The following AOPEP variants were observed in gnomAD, a reference collection of about 807,000 sequenced individuals.
AOPEP encodes aminopeptidase O (putative).
Under a neutral mutation model 98.1 loss-of-function variants are expected in AOPEP, and 77 were observed. The ratio of observed to expected loss-of-function variants is 0.78; its 90% CI spans 0.65 to 0.95. AOPEP has a LOEUF of 0.95. Ranked by LOEUF, AOPEP falls within the 40% of genes least tolerant of loss-of-function variation. AOPEP has a pLI of 0.00. For synonymous variants in AOPEP, 346 were observed against 365.3 expected (o/e 0.95, Z 0.60); for missense variants, 1,024 against 1,024.7 (o/e 1.00, Z 0.01).
chr9:95,037,366 C>A (rs1447054403), intron 13 of AOPEP, among the ~76,000 whole-genome samples: 1 of 152,126 alleles, frequency 6.6e-6, no homozygotes, highest in East Asian at 1.9e-4. Flanking sequence ...GTACAGTTAA[C>A]CATGAAAAAT....
intron 14 of AOPEP, among the ~76,000 whole-genome samples, chr9:95,070,333 C>CT (rs1014935793): frequency 1.3e-5 from 2 of 152,166 alleles, no homozygotes; most frequent in African/African-American, 4.8e-5. Flanking sequence ...GAGCCCTGGT[C>CT]TTTCTGTTTA....
In AOPEP at chr9:95,051,987, G is replaced by A. The variant is rs78799755; in HGVS notation, c.2116-8707G>A. ...CAAAGTGCTGGGATTACAGGCGTGA[G>A]CCACCGTGCCTGGCCTATGAAACTT... On this transcript the variant is annotated intron_variant, in intron 13 of 16. Coordinates refer to ENST00000375315, the MANE Select transcript of AOPEP (RefSeq NM_001193329.3). 3.1e-3 allele frequency among the ~76,000 whole-genome samples: 473 copies of A among 152,322 alleles called. 1 individual carries two copies. The highest frequency in any genetic ancestry group is 0.011 in the African/African-American group (459 of 41,572).
intron 13 of AOPEP, among the ~76,000 whole-genome samples, chr9:95,033,228 G>A (rs529209507): frequency 1.0e-3 from 155 of 152,154 alleles, no homozygotes; most frequent in African/African-American, 3.7e-3. Flanking sequence ...TTTGTTCTAC[G>A]CCTTTTTCTC....
At chr9:94,838,624 A>C (rs1009526041) in intron 5 of AOPEP, among the ~76,000 whole-genome samples, 2 of 152,188 alleles carry the variant, frequency 1.3e-5, no homozygotes, top group Non-Finnish European at 2.9e-5. Flanking sequence ...CTACCAAAAA[A>C]TTATGCTGGG....
intron 11 of AOPEP, among the ~76,000 whole-genome samples, chr9:94,994,838 C>A (rs1305492672): frequency 1.3e-5 from 2 of 152,132 alleles, no homozygotes; most frequent in Non-Finnish European, 2.9e-5. Flanking sequence ...GTAATCCCAG[C>A]TACTCGGGAG....
chr9:95,126,509 A>C, the AOPEP span: 1 of 1,611,230 alleles, frequency 6.2e-7, no homozygotes, highest in Non-Finnish European at 8.5e-7. Context: ...AATTACTAGA[A>C]GAAACAGTGT....
At chr9:94,912,580 A>G (rs961925110) in intron 5 of AOPEP, among the ~76,000 whole-genome samples, 1 of 152,218 alleles carries the variant, frequency 6.6e-6, no homozygotes, top group Non-Finnish European at 1.5e-5. Context: ...TGTGAGACCC[A>G]ATTCCTTGTC....
At chr9:94,910,617 G>T (rs1293476918) in intron 5 of AOPEP, among the ~76,000 whole-genome samples, 1 of 152,208 alleles carries the variant, frequency 6.6e-6, no homozygotes, top group Non-Finnish European at 1.5e-5. Flanking sequence ...CACTGGTCGA[G>T]GGTCCAGCTC....
At chr9:94,735,368 T>C (rs940467555) in intron 1 of AOPEP, among the ~76,000 whole-genome samples, 3 of 152,156 alleles carry the variant, frequency 2.0e-5, no homozygotes, top group Non-Finnish European at 4.4e-5. Flanking sequence ...CTACAGGCAC[T>C]CACCACCACG....
At chr9:95,119,742 C>T in the AOPEP span, among the ~76,000 whole-genome samples, 1 of 148,668 alleles carries the variant, frequency 6.7e-6, no homozygotes, top group Non-Finnish European at 1.5e-5. Flanking sequence ...GATATGGTTT[C>T]ACTCTGTTGC....
chr9:95,112,958 G>C, the AOPEP span, among the ~76,000 whole-genome samples: 2 of 152,328 alleles, frequency 1.3e-5, no homozygotes, highest in Middle Eastern at 3.4e-3. Flanking sequence ...GGTGGGTAGA[G>C]AGAAGAGAAA....
chr9:94,833,887 A>G (rs1209608773), intron 5 of AOPEP, among the ~76,000 whole-genome samples: 1 of 152,220 alleles, frequency 6.6e-6, no homozygotes, highest in Non-Finnish European at 1.5e-5. Context: ...AAGTAATGGT[A>G]GAATGAGAGT....
intron 7 of AOPEP, among the ~76,000 whole-genome samples, chr9:94,931,134 A>G (rs1329849154): frequency 6.6e-6 from 1 of 151,976 alleles, no homozygotes; most frequent in African/African-American, 2.4e-5. Flanking sequence ...GTTAGACTGC[A>G]CCCTGGGAAG....
At chr9:94,968,488 C>T (rs1038790030) in intron 10 of AOPEP, among the ~76,000 whole-genome samples, 81 of 152,184 alleles carry the variant, frequency 5.3e-4, no homozygotes, top group African/African-American at 1.8e-3. Context: ...GTGATCCGCC[C>T]GCCTCAGCCT....
At chr9:95,068,326 C>CGTG (rs2068118897) in intron 14 of AOPEP, among the ~76,000 whole-genome samples, 1 of 151,890 alleles carries the variant, frequency 6.6e-6, no homozygotes, top group African/African-American at 2.4e-5. Flanking sequence ...TCCACCAGCA[C>CGTG]TTGTTGTCCG....
chr9:94,956,781 C>T (rs1564444762), intron 9 of AOPEP, among the ~76,000 whole-genome samples: 3 of 152,200 alleles, frequency 2.0e-5, no homozygotes, highest in African/African-American at 7.2e-5. Context: ...ATAGATTGGA[C>T]TAATGGACCT....
rs368985531 is a variant in AOPEP at position 94,775,523 on chromosome 9, T to C, written c.964+2355T>C. 1.1e-4 allele frequency among the ~76,000 whole-genome samples: 16 copies of C among 152,122 alleles called. No individual in the cohort carries two copies. In the East Asian group the frequency reaches 1.4e-3, roughly 13 times the overall value. On this transcript the variant is annotated intron_variant, in intron 3 of 16. Coordinates refer to ENST00000375315, the MANE Select transcript of AOPEP (RefSeq NM_001193329.3). ...CTGGGACTACAGGCATACACCACCA[T>C]GCCCAACTAATTTTTGTATTTTTAG...
rs2059640732 is a variant in AOPEP at position 94,973,310 on chromosome 9, A to G, written c.1916+5509A>G. The stretch of plus-strand genomic sequence containing the variant: ...GTTGATAGGCACAAGTAGCAGATCC[A>G]TCCTATAATCCCCATTCTTGTCATC... On this transcript the variant is annotated intron_variant, in intron 10 of 16. Transcript: ENST00000375315. Among the ~76,000 whole-genome samples the G allele has an allele frequency of 3.3e-5, 5 of 152,366 alleles. 1 individual carries two copies. In the Middle Eastern group the frequency reaches 0.01, roughly 311 times the overall value.
At chr9:94,995,716 TC>T (rs1422565703) in intron 11 of AOPEP, among the ~76,000 whole-genome samples, 3 of 152,112 alleles carry the variant, frequency 2.0e-5, no homozygotes, top group African/African-American at 7.2e-5. Context: ...ATTCAGAAAC[TC>T]CTAGAAGATA....
Sources: gnomAD v4.1 joint callset for allele counts (sites outside exome capture counted in the v4.1 genomes callset) on GRCh38, gnomAD v4.1.1 for gene constraint, MANE v1.5 for transcripts, NCBI Gene and HGNC (gene_info 2026-07-23, HGNC 2026-07-21) for gene names.